Variants in NTNG1 observed in about 807,000 individuals in gnomAD.
NTNG1 encodes netrin-G1.
NTNG1 carries 16 observed loss-of-function variants against 54.0 expected under a neutral mutation model. The ratio of observed to expected loss-of-function variants is 0.30; its 90% CI spans 0.20 to 0.45. The LOEUF is 0.45. NTNG1 is among the 20% of genes least tolerant of loss of function. NTNG1 has a pLI of 1.00. For synonymous variants in NTNG1, 255 were observed against 263.1 expected (o/e 0.97, Z 0.30); for missense variants, 530 against 678.7 (o/e 0.78, Z 2.43).
chr1:107,237,670 G>C lies in NTNG1; in HGVS notation c.247-86612G>C, dbSNP rs75855104. On this transcript the variant is annotated intron_variant, in intron 2 of 7. Coordinates refer to ENST00000370068, the MANE Select transcript of NTNG1 (RefSeq NM_001113226.3). Reference sequence around the variant, plus strand: ...GGTGCCCTGTGTTCCAGCTACCCCAGCTGTGGCTGAAAGGGGCCACTGTAG... The same window carrying C: ...GGTGCCCTGTGTTCCAGCTACCCCACCTGTGGCTGAAAGGGGCCACTGTAG... 4.7e-3 allele frequency among the ~76,000 whole-genome samples: 718 copies of C among 152,292 alleles called. 24 individuals carry two copies. In the East Asian group the frequency reaches 0.088, roughly 19 times the overall value.
rs116686204 is a variant in NTNG1, at chr1:107,446,433, C to G, written c.1390+9634C>G. Among the ~76,000 whole-genome samples, 929 of 152,172 alleles carry G rather than the reference C, an allele frequency of 6.1e-3. 16 individuals are homozygous for G. Among genetic ancestry groups the G allele is most frequent in the African/African-American group, 0.021 (890 of 41,532 alleles). The stretch of plus-strand genomic sequence containing the variant: ...TTCAGTTGTATTCTGCAGGAACAAC[C>G]CGTCATCTTGAATATCAGCAAAAAG... On this transcript the variant is annotated intron_variant, in intron 7 of 7. Coordinates refer to ENST00000370068, the MANE Select transcript of NTNG1 (RefSeq NM_001113226.3).
chr1:107,432,719 A>T (rs923103113), intron 6 of NTNG1, among the ~76,000 whole-genome samples: 4 of 152,210 alleles, frequency 2.6e-5, no homozygotes, highest in African/African-American at 9.6e-5. Context: ...TTTTTACATA[A>T]GATTAAAATG....
chr1:107,307,743 T>C (rs1327541586), intron 2 of NTNG1, among the ~76,000 whole-genome samples: 1 of 152,222 alleles, frequency 6.6e-6, no homozygotes, highest in African/African-American at 2.4e-5. Flanking sequence ...AAGGCTTATT[T>C]TTAACTTATT....
At chr1:107,366,491 G>T (rs1305962463) in intron 3 of NTNG1, among the ~76,000 whole-genome samples, 1 of 152,182 alleles carries the variant, frequency 6.6e-6, no homozygotes, top group African/African-American at 2.4e-5. Context: ...GAACAAAAGG[G>T]TTTAGAGTCA....
At chr1:107,260,625 A>G (rs959228400) in intron 2 of NTNG1, among the ~76,000 whole-genome samples, 1 of 152,166 alleles carries the variant, frequency 6.6e-6, no homozygotes, top group Admixed American at 6.5e-5. Flanking sequence ...TGTTTCAAGA[A>G]CACATTACTT....
At chr1:107,297,711 A>G (rs1666070727) in intron 2 of NTNG1, among the ~76,000 whole-genome samples, 1 of 152,150 alleles carries the variant, frequency 6.6e-6, no homozygotes, top group African/African-American at 2.4e-5. Flanking sequence ...AACTTCAGGG[A>G]TGAAAATATC....
intron 2 of NTNG1, among the ~76,000 whole-genome samples, chr1:107,310,096 C>G (rs1214155400): frequency 2.0e-5 from 3 of 152,142 alleles, no homozygotes; most frequent in Non-Finnish European, 4.4e-5. Flanking sequence ...GTCATTGATT[C>G]CTTCTCCATT....
chr1:107,404,157 G>A (rs999678660), intron 4 of NTNG1, among the ~76,000 whole-genome samples: 15 of 151,244 alleles, frequency 9.9e-5, no homozygotes, highest in African/African-American at 3.6e-4. Flanking sequence ...TCACAGAATT[G>A]TACACATTTT....
At chr1:107,142,529 C>T (rs1456833628) in intron 1 of NTNG1, among the ~76,000 whole-genome samples, 1 of 152,032 alleles carries the variant, frequency 6.6e-6, no homozygotes, top group Non-Finnish European at 1.5e-5. Flanking sequence ...CTCCTCATAA[C>T]AAATTGTCAA....
intron 3 of NTNG1, among the ~76,000 whole-genome samples, chr1:107,372,941 G>A (rs1030950484): frequency 2.4e-4 from 36 of 152,054 alleles, no homozygotes; most frequent in Non-Finnish European, 5.9e-5. Context: ...GTCTGATATT[G>A]ATATATCATT....
chr1:107,452,607 G>C (rs892348508), intron 7 of NTNG1, among the ~76,000 whole-genome samples: 2 of 152,134 alleles, frequency 1.3e-5, no homozygotes, highest in African/African-American at 4.8e-5. Flanking sequence ...CTTCTGGTGA[G>C]ACTGGATTAA....
In NTNG1 at chr1:107,436,722, G is replaced by GT. The variant is rs775342273; in HGVS notation, c.1314dup (p.Glu439Ter). ...GATCGTTGTAATGGCTCAGGATTTT[G>GT]TGAGTGTAAGACTGGAACAACAGGG... is the stretch of plus-strand genomic sequence containing the variant. On this transcript the variant is annotated frameshift_variant, in exon 7 of 8. Coordinates refer to ENST00000370068, the MANE Select transcript of NTNG1 (RefSeq NM_001113226.3). LOFTEE classifies it high-confidence loss of function. 2.1e-5 allele frequency: 34 copies of GT among 1,613,330 alleles called. No individual in the cohort carries two copies. Among genetic ancestry groups the GT allele is most frequent in the Non-Finnish European group, 2.6e-5 (31 of 1,179,528 alleles).
At chr1:107,368,150 T>G (rs752238150) in intron 3 of NTNG1, among the ~76,000 whole-genome samples, 41 of 152,116 alleles carry the variant, frequency 2.7e-4, no homozygotes, top group Non-Finnish European at 5.4e-4. Context: ...TCTCCAGGAT[T>G]CTTAGAGGAT....
rs968890503 is a variant in NTNG1 at position 107,158,227 on chromosome 1, T to A, written c.246+9388T>A. Among the ~76,000 whole-genome samples the A allele has an allele frequency of 2.0e-5, 3 of 152,168 alleles. No homozygotes were observed. In the East Asian group the frequency reaches 5.8e-4, roughly 29 times the overall value. ...GCAGGCTGGTTTTTTGTGTGCCATT[T>A]AAAAATTTCAGAGTTTCTTTTCTTA... On this transcript the variant is annotated intron_variant, in intron 2 of 7. Coordinates refer to ENST00000370068, the MANE Select transcript of NTNG1 (RefSeq NM_001113226.3).
At chr1:107,188,638 A>G (rs146530794) in intron 2 of NTNG1, among the ~76,000 whole-genome samples, 1 of 152,258 alleles carries the variant, frequency 6.6e-6, no homozygotes, top group African/African-American at 2.4e-5. Context: ...TTGAAATCAT[A>G]TGAATAATAT....
intron 6 of NTNG1, among the ~76,000 whole-genome samples, chr1:107,431,789 G>T (rs763899054): frequency 2.6e-5 from 4 of 152,156 alleles, no homozygotes; most frequent in Non-Finnish European, 5.9e-5. Context: ...TATATGTGTA[G>T]CCATTACCAC....
At chr1:107,227,860 C>T (rs540134937) in intron 2 of NTNG1, among the ~76,000 whole-genome samples, 5 of 152,220 alleles carry the variant, frequency 3.3e-5, no homozygotes, top group African/African-American at 9.6e-5. Context: ...TTCAACAGAA[C>T]GTCATTGTGA....
chr1:107,449,634 A>G (rs1676502909), intron 7 of NTNG1, among the ~76,000 whole-genome samples: 1 of 151,960 alleles, frequency 6.6e-6, no homozygotes, highest in Non-Finnish European at 1.5e-5. Flanking sequence ...TAAGACCAAG[A>G]ATATGTCTGG....
chr1:107,465,274 T>C (rs1677530118), intron 7 of NTNG1, among the ~76,000 whole-genome samples: 1 of 152,158 alleles, frequency 6.6e-6, no homozygotes, highest in East Asian at 1.9e-4. Flanking sequence ...AAAGATAAAA[T>C]AGATATCTGA....
Sources: gnomAD v4.1 joint callset for allele counts (sites outside exome capture counted in the v4.1 genomes callset) on GRCh38, gnomAD v4.1.1 for gene constraint, MANE v1.5 for transcripts, NCBI Gene and HGNC (gene_info 2026-07-23, HGNC 2026-07-21) for gene names.